The following AMZ1 variants were observed in gnomAD, a reference collection of about 807,000 sequenced individuals.
The protein encoded by AMZ1 is archaelysin family metallopeptidase 1, also known as archaemetzincin-1.
A neutral mutation model predicts 29.9 loss-of-function variants in AMZ1; 39 were observed. That is an observed-to-expected ratio of 1.30 (90% CI 1.01 to 1.70). The LOEUF (loss-of-function observed/expected upper bound fraction) is 1.70, where lower values mean the gene tolerates loss of function less well. AMZ1 is among the 40% of genes most tolerant of loss of function. AMZ1 has a pLI of 0.00. For missense variants in AMZ1, 1,041 were observed against 680.6 expected (o/e 1.53, Z -5.89); for synonymous variants, 458 against 304.0 (o/e 1.51, Z -5.27).
intron 4 of AMZ1, among the ~76,000 whole-genome samples, chr7:2,757,406 G>C (rs1029690266): frequency 8.5e-5 from 13 of 152,178 alleles, no homozygotes; most frequent in African/African-American, 3.1e-4. Flanking sequence ...CGTGTTATGA[G>C]GAGGAGCCAC....
intron 1 of AMZ1, among the ~76,000 whole-genome samples, chr7:2,695,574 G>A (rs911494576): frequency 4.0e-5 from 6 of 151,738 alleles, no homozygotes; most frequent in East Asian, 1.9e-4. Context: ...TTGACTGGGC[G>A]TGTTGGTACA....
intron 1 of AMZ1, among the ~76,000 whole-genome samples, chr7:2,692,453 A>G (rs929014000): frequency 2.2e-4 from 34 of 152,058 alleles, no homozygotes; most frequent in Non-Finnish European, 8.8e-5. Flanking sequence ...GAGGCAGGAG[A>G]ATCGCTTTAA....
intron 1 of AMZ1, among the ~76,000 whole-genome samples, chr7:2,689,369 C>CT (rs1787246646): frequency 2.5e-5 from 3 of 122,360 alleles, no homozygotes; most frequent in South Asian, 5.2e-4. Context: ...CAGAACCTCC[C>CT]TGGGGGGGGG....
chr7:2,752,207 A>G (rs1265311930), intron 4 of AMZ1, among the ~76,000 whole-genome samples: 5 of 152,238 alleles, frequency 3.3e-5, no homozygotes, highest in Non-Finnish European at 5.9e-5. Context: ...AGATGCAGAA[A>G]AAAAGCATGT....
In AMZ1 at chr7:2,718,510, C is replaced by T. The variant is rs1292811041; in HGVS notation, c.*5632C>T. Reference sequence around the variant, plus strand: ...GTTTTGTTCAGCCCTGACTCTTGGACGCTGGTGGCAGCCGCGGGCGCCCAC... The same window carrying T: ...GTTTTGTTCAGCCCTGACTCTTGGATGCTGGTGGCAGCCGCGGGCGCCCAC... On this transcript the variant is annotated 3_prime_UTR_variant, in exon 7 of 7. Coordinates refer to ENST00000683327, the MANE Select transcript of AMZ1 (RefSeq NM_001384743.1). Among the ~76,000 whole-genome samples the T allele has an allele frequency of 2.6e-5, 4 of 152,314 alleles. No individual in the cohort carries two copies. Among genetic ancestry groups the T allele is most frequent in the East Asian group, 1.9e-4 (1 of 5,178 alleles).
In AMZ1 at chr7:2,738,847, G is replaced by A. The variant is rs191103662; in HGVS notation, n.551-25865G>A. Among the ~76,000 whole-genome samples, 962 of 152,226 alleles carry A rather than the reference G, an allele frequency of 6.3e-3. 7 individuals are homozygous for A. The highest frequency in any genetic ancestry group is 0.01 in the Middle Eastern group (3 of 294). Reference sequence around the variant, plus strand: ...TGTTTTTTATTTTGTTTGTTTTTTTGTTTTTTGCCAGAATGTGAAAGTACA... The same window carrying A: ...TGTTTTTTATTTTGTTTGTTTTTTTATTTTTTGCCAGAATGTGAAAGTACA... On this transcript the variant is annotated intron_variant and non_coding_transcript_variant, in intron 4 of 4. Transcript: ENST00000489665.
chr7:2,687,895 A>G (rs1471371673), upstream of AMZ1, among the ~76,000 whole-genome samples: 1 of 151,536 alleles, frequency 6.6e-6, no homozygotes, highest in Non-Finnish European at 1.5e-5. Context: ...GGCCTGGTTC[A>G]CCTCTTCACC....
At chr7:2,700,078 C>A (rs2115099438) in intron 1 of AMZ1, among the ~76,000 whole-genome samples, 156 bp from the exon 2 acceptor site, 1 of 151,772 alleles carries the variant, frequency 6.6e-6, no homozygotes, top group South Asian at 2.1e-4. Flanking sequence ...CGCTGGGTGG[C>A]AGTGCTGTGT....
At position 2,716,394 on chromosome 7, in the gene AMZ1, T is replaced by G. The variant is rs1309304856; in HGVS notation, c.*3516T>G. ...TGTGAACCCTGAGGGCACGGGACAG[T>G]GAGTGGAGCTCTGCCACCACCCGTT... is the stretch of plus-strand genomic sequence containing the variant. On this transcript the variant is annotated 3_prime_UTR_variant, in exon 7 of 7. Transcript: ENST00000683327. 1 of 152,188 alleles carries G rather than the reference T, an allele frequency of 6.6e-6. No individual in the cohort carries two copies. The highest frequency in any genetic ancestry group is 1.5e-5 in the Non-Finnish European group (1 of 68,042). The allele number at this position is 152,188 out of a possible 1,614,324, so 9.4% of individuals were successfully genotyped here.
At chr7:2,696,850 C>T (rs1201812890) in intron 1 of AMZ1, among the ~76,000 whole-genome samples, 1 of 152,088 alleles carries the variant, frequency 6.6e-6, no homozygotes, top group African/African-American at 2.4e-5. Context: ...CGTGCTACTG[C>T]ACTCCAGCCT....
intron 4 of AMZ1, among the ~76,000 whole-genome samples, chr7:2,752,094 T>C (rs1791068771): frequency 6.6e-6 from 1 of 152,086 alleles, no homozygotes. Context: ...ACAATATCTT[T>C]AACAAAACTT....
intron 4 of AMZ1, chr7:2,730,235 AT>A (rs1327564097): frequency 1.3e-5 from 2 of 152,416 alleles, no homozygotes; most frequent in Non-Finnish European, 2.9e-5. Flanking sequence ...AGGAAACGCT[AT>A]GTGCTGCCAA....
chr7:2,742,594 C>T (rs1033734984), intron 4 of AMZ1, among the ~76,000 whole-genome samples: 5 of 152,176 alleles, frequency 3.3e-5, no homozygotes, highest in Non-Finnish European at 2.9e-5. Flanking sequence ...CACTGAGTCT[C>T]GCCGGCCCTT....
chr7:2,739,370 A>G (rs1477479773), intron 4 of AMZ1, among the ~76,000 whole-genome samples: 2 of 152,158 alleles, frequency 1.3e-5, no homozygotes, highest in African/African-American at 2.4e-5. Context: ...ATTGGAGCGC[A>G]TTCACACAGC....
rs564204645 is a variant in AMZ1 at position 2,716,602 on chromosome 7, G to A, written c.*3724G>A. The A allele has an allele frequency of 6.6e-6, 1 of 152,280 alleles. No individual in the cohort carries two copies. Among genetic ancestry groups the A allele is most frequent in the East Asian group, 1.9e-4 (1 of 5,178 alleles). The allele number at this position is 152,280 out of a possible 1,614,324, so 9.4% of individuals were successfully genotyped here. On this transcript the variant is annotated 3_prime_UTR_variant, in exon 7 of 7. Transcript: ENST00000683327. ...AAAGGGGGAGGCTAGAACATTCCAG[G>A]GACACACCTACACGCAGAGGGTCTC...
chr7:2,711,957 G>C (rs182034325), intron 6 of AMZ1, among the ~76,000 whole-genome samples: 122 of 152,270 alleles, frequency 8.0e-4, no homozygotes, highest in African/African-American at 2.9e-3. Context: ...CAACGCAGGA[G>C]AATTGCTTGA....
intron 3 of AMZ1, among the ~76,000 whole-genome samples, chr7:2,706,183 A>C (rs1788344839): frequency 6.6e-6 from 1 of 151,528 alleles, no homozygotes; most frequent in Non-Finnish European, 1.5e-5. Context: ...CTGGTTTTTA[A>C]TTTTTTTTTA....
At chr7:2,702,927 G>A in intron 3 of AMZ1, 38 bp downstream of exon 3, 1 of 1,537,692 alleles carries the variant, frequency 6.5e-7, no homozygotes, top group Non-Finnish European at 8.7e-7. Flanking sequence ...GGCCAAGGCA[G>A]GCCCCTTCTG....
rs939704795 is a variant in AMZ1 at position 2,690,539 on chromosome 7, C to T, written c.-219+2243C>T. The stretch of plus-strand genomic sequence containing the variant: ...TCCAGCCGGGCTAGTCTGGAGCTGG[C>T]GTGGCCACTCCTTCCCGGGCGGCTC... On this transcript the variant is annotated intron_variant, in intron 1 of 6. Transcript: ENST00000683327. Among the ~76,000 whole-genome samples, 5 of 152,152 alleles carry T rather than the reference C, an allele frequency of 3.3e-5. No individual in the cohort carries two copies. The East Asian group carries it at 5.8e-4, about 18-fold the overall frequency.
Sources: allele counts gnomAD v4.1 joint callset (sites outside exome capture counted in the v4.1 genomes callset), GRCh38; gene constraint gnomAD v4.1.1; transcripts MANE v1.5; gene names NCBI Gene and HGNC (gene_info 2026-07-23, HGNC 2026-07-21).